FHIT: variants seen among roughly 807,000 people sequenced by gnomAD.
FHIT encodes the protein bis(5'-adenosyl)-triphosphatase.
A neutral mutation model predicts 17.9 loss-of-function variants in FHIT; 19 were observed. That is an observed-to-expected ratio of 1.06 (90% CI 0.74 to 1.56). The LOEUF (loss-of-function observed/expected upper bound fraction) is 1.56. FHIT is among the 40% of genes most tolerant of loss of function. The pLI, the probability that FHIT is intolerant of heterozygous loss-of-function variation, is 0.00. For missense variants in FHIT, 248 were observed against 189.2 expected (o/e 1.31, Z -1.82); for synonymous variants, 81 against 69.7 (o/e 1.16, Z -0.81).
intron 3 of FHIT, among the ~76,000 whole-genome samples, chr3:60,895,356 TG>T (rs1348366970): frequency 1.3e-5 from 2 of 152,158 alleles, no homozygotes; most frequent in Non-Finnish European, 2.9e-5. Flanking sequence ...TTAAATAAGG[TG>T]TTTTCTGCCA....
chr3:60,974,064 G>A (rs539659477), intron 3 of FHIT, among the ~76,000 whole-genome samples: 30 of 152,272 alleles, frequency 2.0e-4, no homozygotes, highest in Admixed American at 1.2e-3. Context: ...AGACATTAAT[G>A]TCTATGCCTG....
At chr3:60,895,670 CTTTCTTTCTTT>C (rs1559808635) in intron 3 of FHIT, among the ~76,000 whole-genome samples, 1,083 of 29,926 alleles carry the variant, frequency 0.036, 37 homozygotes, top group African/African-American at 0.06. Context: ...TCCTTCCTTT[CTTTCTTTCTTT>C]CTTTCTTTCT....
At chr3:60,990,980 G>T (rs1405723374) in intron 3 of FHIT, among the ~76,000 whole-genome samples, 16 of 152,094 alleles carry the variant, frequency 1.1e-4, no homozygotes, top group Admixed American at 1.0e-3. Flanking sequence ...GACAATGAGG[G>T]AAAACAGACA....
At chr3:60,727,322 CG>C (rs1577124202) in intron 4 of FHIT, among the ~76,000 whole-genome samples, 1 of 152,256 alleles carries the variant, frequency 6.6e-6, no homozygotes, top group East Asian at 1.9e-4. Flanking sequence ...TAGGGCACAA[CG>C]CTCCAGAGAA....
intron 8 of FHIT, among the ~76,000 whole-genome samples, chr3:59,840,116 T>G (rs1280582401): frequency 2.0e-5 from 3 of 152,196 alleles, no homozygotes; most frequent in Non-Finnish European, 4.4e-5. Context: ...TATGTTTCCC[T>G]CTGACTACAG....
At chr3:60,704,442 C>A (rs1223977789) in intron 4 of FHIT, among the ~76,000 whole-genome samples, 1 of 152,136 alleles carries the variant, frequency 6.6e-6, no homozygotes, top group East Asian at 1.9e-4. Flanking sequence ...TTCTCTACAG[C>A]TCTCCCAGAC....
intron 5 of FHIT, among the ~76,000 whole-genome samples, chr3:60,348,190 T>C (rs1710893824): frequency 6.6e-6 from 1 of 150,964 alleles, no homozygotes; most frequent in African/African-American, 2.4e-5. Flanking sequence ...TTGACAAATG[T>C]TTGTTTAACA....
intron 5 of FHIT, among the ~76,000 whole-genome samples, chr3:60,146,662 C>T (rs12632865): frequency 0.37 from 55,714 of 151,824 alleles, 11,446 homozygotes; most frequent in African/African-American, 0.55. Flanking sequence ...GCAGGACTCG[C>T]CTGAAATGGG....
intron 5 of FHIT, among the ~76,000 whole-genome samples, chr3:60,023,431 C>T (rs1198290301): frequency 6.6e-6 from 1 of 152,170 alleles, no homozygotes; most frequent in Non-Finnish European, 1.5e-5. Context: ...ACCTGGGGCC[C>T]AAACTCCCAC....
At chr3:61,048,493 G>A (rs2033899808) in intron 2 of FHIT, among the ~76,000 whole-genome samples, 1 of 152,200 alleles carries the variant, frequency 6.6e-6, no homozygotes, top group African/African-American at 2.4e-5. Context: ...TGCTGGAGAG[G>A]ATGTGGAGAA....
intron 5 of FHIT, among the ~76,000 whole-genome samples, chr3:60,358,135 G>A (rs1699752799): frequency 6.6e-6 from 1 of 152,164 alleles, no homozygotes; most frequent in South Asian, 2.1e-4. Context: ...CATTCTTCAA[G>A]GCAAAGTTCA....
chr3:59,808,486 G>A (rs1011829376), intron 8 of FHIT, among the ~76,000 whole-genome samples: 1 of 152,044 alleles, frequency 6.6e-6, no homozygotes, highest in Admixed American at 6.6e-5. Context: ...TCTACCCTAC[G>A]GTAAAACTCA....
intron 5 of FHIT, among the ~76,000 whole-genome samples, chr3:60,045,782 T>TGG (rs1701629082): frequency 6.6e-6 from 1 of 152,036 alleles, no homozygotes; most frequent in African/African-American, 2.4e-5. Flanking sequence ...AGGGAGATCA[T>TGG]GGGTGATTTC....
chr3:60,931,585 G>A (rs540858418), intron 3 of FHIT, among the ~76,000 whole-genome samples: 4 of 129,168 alleles, frequency 3.1e-5, no homozygotes, highest in East Asian at 2.2e-4. Flanking sequence ...AGAAGCTTCC[G>A]GCTTCCACCC....
intron 5 of FHIT, among the ~76,000 whole-genome samples, chr3:60,398,191 G>T (rs1055602738): frequency 1.3e-5 from 2 of 152,106 alleles, no homozygotes; most frequent in African/African-American, 4.8e-5. Flanking sequence ...CTATAGATCT[G>T]GCAGTACATT....
At chr3:60,259,535 A>G (rs1212931002) in intron 5 of FHIT, among the ~76,000 whole-genome samples, 5 of 152,194 alleles carry the variant, frequency 3.3e-5, no homozygotes, top group Non-Finnish European at 7.4e-5. Context: ...ATAATGGCTT[A>G]CATTTGTTTT....
intron 4 of FHIT, among the ~76,000 whole-genome samples, chr3:60,644,448 CATTT>C (rs1215063154): frequency 1.3e-5 from 2 of 152,096 alleles, no homozygotes; most frequent in African/African-American, 4.8e-5. Context: ...TAAATAGATA[CATTT>C]ATTAATATGT....
At chr3:59,914,201 A>G (rs550819021) in intron 8 of FHIT, among the ~76,000 whole-genome samples, 1,409 of 90,048 alleles carry the variant, frequency 0.016, 24 homozygotes, top group African/African-American at 0.037. Context: ...TGAGATATTT[A>G]CTTTTTTTTT....
chr3:60,684,348 A>C (rs1419942128), intron 4 of FHIT, among the ~76,000 whole-genome samples: 1 of 152,118 alleles, frequency 6.6e-6, no homozygotes, highest in African/African-American at 2.4e-5. Context: ...AAACAAGGTC[A>C]CATTCACAAG....
Sources: allele counts gnomAD v4.1 joint callset (sites outside exome capture counted in the v4.1 genomes callset), GRCh38; gene constraint gnomAD v4.1.1; transcripts MANE v1.5; gene names NCBI Gene and HGNC (gene_info 2026-07-23, HGNC 2026-07-21).